CAPN7: variants seen among roughly 807,000 people sequenced by gnomAD.
The protein encoded by CAPN7 is calpain-7.
CAPN7 carries 72 observed loss-of-function variants against 115.2 expected under a neutral mutation model. That is an observed-to-expected ratio of 0.63 (90% CI 0.52 to 0.76). The LOEUF (loss-of-function observed/expected upper bound fraction) is 0.76, where lower values mean the gene tolerates loss of function less well. CAPN7 is among the 30% of genes least tolerant of loss of function. The probability of loss-of-function intolerance (pLI) is 0.00; values close to 1 mark genes in which losing one functional copy is unlikely to be tolerated. For missense variants in CAPN7, 905 were observed against 971.5 expected (o/e 0.93, Z 0.91); for synonymous variants, 344 against 322.3 (o/e 1.07, Z -0.72).
chr3:15,220,110 A>G (rs1053485543), intron 4 of CAPN7, among the ~76,000 whole-genome samples: 1 of 152,148 alleles, frequency 6.6e-6, no homozygotes, highest in African/African-American at 2.4e-5. Flanking sequence ...CTGAGGCAGG[A>G]GAATCGCTTG....
intron 4 of CAPN7, among the ~76,000 whole-genome samples, chr3:15,219,542 G>A (rs921915915): frequency 1.3e-5 from 2 of 152,142 alleles, no homozygotes; most frequent in African/African-American, 4.8e-5. Flanking sequence ...AGAATTATAA[G>A]TGACTTTATT....
At position 15,242,149 on chromosome 3, in the gene CAPN7, T is replaced by C. The variant is rs2124998462; in HGVS notation, c.1789-29T>C. 2.0e-6 allele frequency: 3 copies of C among 1,491,808 alleles called. No individual in the cohort carries two copies. In the East Asian group the frequency reaches 6.8e-5, roughly 34 times the overall value. 92.4% of individuals were successfully genotyped at this position (1,491,808 alleles called of 1,614,324 possible). A position where few individuals can be genotyped will look rare whatever the true frequency, so the allele number is the denominator to read the frequency against. On this transcript the variant is annotated intron_variant, in intron 15 of 20. Transcript: ENST00000253693. ...TAAATAGCATTTTGAACCCATTTTC[T>C]AACCACATTGGATTCTTTGTGATTT...
rs1694739151 is a variant in CAPN7 at position 15,232,293 on chromosome 3, A to T, written c.1033-226A>T. The T allele has an allele frequency of 7.3e-6, 3 of 410,612 alleles. No homozygotes were observed. In the East Asian group the frequency reaches 1.4e-4, roughly 20 times the overall value. The allele number at this position is 410,612 out of a possible 1,614,324, so 25.4% of individuals were successfully genotyped here. On this transcript the variant is annotated intron_variant, in intron 9 of 20. Transcript: ENST00000253693. ...TAGTTACATGACATTTAATCAATTG[A>T]TTGAAGGTTATCATCTGACAGATTA... is the stretch of plus-strand genomic sequence containing the variant.
chr3:15,231,859 GTATC>G (rs1358511239), intron 9 of CAPN7, among the ~76,000 whole-genome samples: 6 of 152,062 alleles, frequency 3.9e-5, no homozygotes, highest in Non-Finnish European at 7.4e-5. Context: ...ATTAGATACT[GTATC>G]TGATGACTTC....
At position 15,251,063 on chromosome 3, in the gene CAPN7, C is replaced by G. The variant is rs780394663; in HGVS notation, c.2297+40C>G. The G allele has an allele frequency of 5.0e-6, 8 of 1,598,292 alleles. 1 individual carries two copies. The East Asian group carries it at 6.7e-5, about 13-fold the overall frequency. ...TTTATTGTATCTATTTTATACTTTA[C>G]TTTTTGTGGCATCATCTTCTATAAA... On this transcript the variant is annotated intron_variant, in intron 20 of 20. Coordinates refer to ENST00000253693, the MANE Select transcript of CAPN7 (RefSeq NM_014296.3).
At chr3:15,245,769 C>A in intron 17 of CAPN7, 98 bp downstream of exon 17, 2 of 961,918 alleles carry the variant, frequency 2.1e-6, no homozygotes, top group East Asian at 3.0e-5. Context: ...AAGTTTATTT[C>A]TGAAAATGTA....
chr3:15,217,577 A>G lies in CAPN7; in HGVS notation c.364A>G (p.Lys122Glu), dbSNP rs765998090. 5.0e-6 allele frequency: 8 copies of G among 1,611,864 alleles called. No homozygotes were observed. The South Asian group carries it at 5.5e-5, about 11-fold the overall frequency. Residue 122 changes from lysine to glutamate, a missense_variant, in exon 3 of 21, where the codon AAA becomes GAA. Physicochemically the swap from Lys to Glu is moderately conservative, Grantham distance 56. This residue lies in a region of CAPN7 where 271 missense variants were observed against 239.6 expected (regional missense o/e 1.13). Coordinates refer to ENST00000253693, the MANE Select transcript of CAPN7 (RefSeq NM_014296.3). ...LYTEAVDLCL[K>E]TSYETADKVL... ...CACAGAAGCTGTGGATCTCTGTCTG[A>G]AAACAGTGTGTATAGCTACAAATTA...
rs1559411627 is a variant in CAPN7 at position 15,245,620 on chromosome 3, AT to A, written c.1961del (p.Leu654Ter). On this transcript the variant is annotated frameshift_variant, in exon 17 of 21. Transcript: ENST00000253693. LOFTEE classifies it high-confidence loss of function. ...CCACACCTGGCACCCATACCTTTAC[AT>A]TAGTGGTTTCTCAATATGAAAAACA... Reference protein sequence around the residue: ...LTTPGTHTFTLVVSQYEKQNT... With the variant: ...LTTPGTHTFTXVVSQYEKQNT... 4.3e-6 allele frequency: 7 copies of A among 1,614,008 alleles called. No individual in the cohort carries two copies. Among genetic ancestry groups the A allele is most frequent in the Non-Finnish European group, 5.9e-6 (7 of 1,179,944 alleles).
intron 12 of CAPN7, among the ~76,000 whole-genome samples, chr3:15,238,855 T>A (rs1039544151): frequency 6.8e-6 from 1 of 147,936 alleles, no homozygotes; most frequent in Non-Finnish European, 1.5e-5. Context: ...TCAAATTTTT[T>A]TTTTTTTTTT....
intron 4 of CAPN7, among the ~76,000 whole-genome samples, chr3:15,219,863 G>A (rs1252231860): frequency 1.3e-5 from 2 of 152,126 alleles, no homozygotes; most frequent in Admixed American, 1.3e-4. Flanking sequence ...CTCATCTCCT[G>A]CTGCCTCTCG....
intron 1 of CAPN7, 120 bp downstream of exon 1, chr3:15,206,717 C>T (rs956140191): frequency 1.4e-6 from 1 of 707,074 alleles, no homozygotes; most frequent in South Asian, 1.9e-5. Context: ...TTTCCCTCGT[C>T]CGCCTCCCGG....
At chr3:15,225,582 C>T (rs944734717) in intron 6 of CAPN7, among the ~76,000 whole-genome samples, 9 of 152,164 alleles carry the variant, frequency 5.9e-5, no homozygotes, top group Non-Finnish European at 4.4e-5. Flanking sequence ...AATACGTAGC[C>T]ATGCAGACTC....
Position 15,227,970 on chromosome 3 carries a change from G to A in CAPN7, c.852+5G>A. The A allele has an allele frequency of 7.0e-7, 1 of 1,424,368 alleles. No individual in the cohort carries two copies. Among genetic ancestry groups the A allele is most frequent in the Non-Finnish European group, 9.2e-7 (1 of 1,083,884 alleles). 88.2% of individuals were successfully genotyped at this position (1,424,368 alleles called of 1,614,324 possible). A position where few individuals can be genotyped will look rare whatever the true frequency, so the allele number is the denominator to read the frequency against. On this transcript the variant is annotated splice_donor_5th_base_variant and intron_variant, in intron 7 of 20. Coordinates refer to ENST00000253693, the MANE Select transcript of CAPN7 (RefSeq NM_014296.3). ...TCCAGTTTTAGCATAAAGCAGGTGAGCATTTATTTTGTATGATTTTATAGA... is the reference window on the plus strand; with the variant it reads ...TCCAGTTTTAGCATAAAGCAGGTGAACATTTATTTTGTATGATTTTATAGA...
rs577300724 is a variant in CAPN7, at chr3:15,206,819, C to G, written c.102+222C>G. 1.9e-3 allele frequency among the ~76,000 whole-genome samples: 287 copies of G among 152,358 alleles called. 2 individuals are homozygous for G. Among genetic ancestry groups the G allele is most frequent in the African/African-American group, 6.4e-3 (268 of 41,590 alleles). ...GTCGCGGCTTGCAGCCGCCGCTCCTCCACCTGTAGTCCTGACTGGCAAATG... is the reference window on the plus strand; with the variant it reads ...GTCGCGGCTTGCAGCCGCCGCTCCTGCACCTGTAGTCCTGACTGGCAAATG... On this transcript the variant is annotated intron_variant, in intron 1 of 20. Transcript: ENST00000253693.
rs1247718787 is a variant in CAPN7 at position 15,217,517 on chromosome 3, G to GA, written c.309dup (p.Glu104ArgfsTer4). On this transcript the variant is annotated frameshift_variant, in exon 3 of 21. Coordinates refer to ENST00000253693, the MANE Select transcript of CAPN7 (RefSeq NM_014296.3). LOFTEE classifies it high-confidence loss of function. ...TGTTACACAAGCTTTTGATGAAGAT[G>GA]AAAAAGAGAATGTTGAAGATGCTAT... 6.2e-7 allele frequency: 1 copy of GA among 1,613,650 alleles called. No homozygotes were observed. Among genetic ancestry groups the GA allele is most frequent in the African/African-American group, 1.3e-5 (1 of 74,870 alleles).
chr3:15,245,733 T>A, intron 17 of CAPN7, 62 bp downstream of exon 17: 1 of 1,380,692 alleles, frequency 7.2e-7, no homozygotes, highest in South Asian at 1.6e-5. Flanking sequence ...TATGCTCTGC[T>A]TTGTAAGTGG....
chr3:15,212,525 A>G (rs996688499), intron 2 of CAPN7, among the ~76,000 whole-genome samples: 1 of 152,226 alleles, frequency 6.6e-6, no homozygotes, highest in African/African-American at 2.4e-5. Context: ...GTCTGCTTTT[A>G]AAATATCTGT....
chr3:15,217,034 T>A (rs1246442965), intron 2 of CAPN7, among the ~76,000 whole-genome samples: 3 of 149,252 alleles, frequency 2.0e-5, no homozygotes, highest in Admixed American at 6.7e-5. Flanking sequence ...GCCTGGGAGT[T>A]CAAGACCAGC....
Position 15,206,531 on chromosome 3 carries a change from G to C in CAPN7, c.36G>C (p.Gln12His). 6.4e-7 allele frequency: 1 copy of C among 1,556,228 alleles called. No homozygotes were observed. The highest frequency in any genetic ancestry group is 8.7e-7 in the Non-Finnish European group (1 of 1,150,472). ...CAGCACTGGAGCGGGACGCTGTGCA[G>C]TTCGCCCGTCTGGCGGTTCAGCGCG... ...DATALERDAV[Q>H]FARLAVQRDH... The change falls in exon 1 of 21, where the codon CAG (glutamine) becomes CAC (histidine). Residue 12 changes from glutamine (Q) to histidine (H), a missense_variant. By Grantham distance (24) the Gln-to-His change is conservative (BLOSUM62 0). This residue lies in a region of CAPN7 where 271 missense variants were observed against 239.6 expected (regional missense o/e 1.13). Coordinates refer to ENST00000253693, the MANE Select transcript of CAPN7 (RefSeq NM_014296.3).
Sources: allele counts gnomAD v4.1 joint callset (sites outside exome capture counted in the v4.1 genomes callset), GRCh38; gene constraint gnomAD v4.1.1; regional missense constraint gnomAD v4.1.1; transcripts MANE v1.5; gene names NCBI Gene and HGNC (gene_info 2026-07-23, HGNC 2026-07-21).